NLGN1: variants seen among roughly 807,000 people sequenced by gnomAD.
The protein encoded by NLGN1 is neuroligin-1.
A neutral mutation model predicts 65.5 loss-of-function variants in NLGN1; 12 were observed. That is an observed-to-expected ratio of 0.18 (90% CI 0.12 to 0.30). NLGN1 has a LOEUF of 0.30. Ranked by LOEUF, NLGN1 falls within the 10% of genes least tolerant of loss-of-function variation. The probability of loss-of-function intolerance (pLI) is 1.00; values close to 1 mark genes in which losing one functional copy is unlikely to be tolerated. For synonymous variants in NLGN1, 350 were observed against 359.5 expected (o/e 0.97, Z 0.30); for missense variants, 750 against 1,007.1 (o/e 0.74, Z 3.46).
intron 3 of NLGN1, among the ~76,000 whole-genome samples, chr3:173,688,113 T>G (rs1764937043): frequency 6.6e-6 from 1 of 152,206 alleles, no homozygotes; most frequent in Admixed American, 6.5e-5. Flanking sequence ...GATGAGATAC[T>G]GCTGGTCATG....
intron 4 of NLGN1, among the ~76,000 whole-genome samples, chr3:173,925,983 A>T (rs1329998927): frequency 6.6e-6 from 1 of 151,986 alleles, no homozygotes; most frequent in African/African-American, 2.4e-5. Context: ...GCTGTCATTC[A>T]TTCTTATTTT....
chr3:173,857,095 C>T (rs889548342), intron 4 of NLGN1, among the ~76,000 whole-genome samples: 3 of 151,708 alleles, frequency 2.0e-5, no homozygotes, highest in Non-Finnish European at 2.9e-5. Flanking sequence ...TCAATACTCA[C>T]GCTTGAGCAC....
intron 1 of NLGN1, among the ~76,000 whole-genome samples, chr3:173,413,638 G>T (rs1713071535): frequency 6.6e-6 from 1 of 151,978 alleles, no homozygotes; most frequent in Admixed American, 6.6e-5. Flanking sequence ...AAACTTCTTA[G>T]TCTAGAAAGA....
chr3:173,593,749 A>T (rs1748953772), intron 2 of NLGN1, among the ~76,000 whole-genome samples: 1 of 152,176 alleles, frequency 6.6e-6, no homozygotes, highest in Non-Finnish European at 1.5e-5. Context: ...TGATAAAGAC[A>T]CACCCAAGAC....
chr3:174,274,516 G>A (rs1057060653), intron 4 of NLGN1, among the ~76,000 whole-genome samples: 14 of 150,820 alleles, frequency 9.3e-5, no homozygotes, highest in East Asian at 2.0e-4. Flanking sequence ...CCCTACCTCC[G>A]TTTTCTCTCC....
At chr3:173,988,054 A>G (rs1720322680) in intron 4 of NLGN1, among the ~76,000 whole-genome samples, 1 of 152,196 alleles carries the variant, frequency 6.6e-6, no homozygotes, top group Non-Finnish European at 1.5e-5. Context: ...CTATCACCCA[A>G]AATAAAAAGA....
intron 3 of NLGN1, among the ~76,000 whole-genome samples, chr3:173,761,323 G>A (rs1427090724): frequency 6.6e-6 from 1 of 151,972 alleles, no homozygotes; most frequent in Non-Finnish European, 1.5e-5. Context: ...AAAGAAAGAA[G>A]CTGTCTCCCT....
chr3:173,893,228 C>T (rs1028491990), intron 4 of NLGN1, among the ~76,000 whole-genome samples: 5 of 152,116 alleles, frequency 3.3e-5, no homozygotes, highest in Admixed American at 2.0e-4. Flanking sequence ...GTCACCCAAG[C>T]CAGAAACCTG....
At chr3:173,745,416 T>G (rs768371232) in intron 3 of NLGN1, among the ~76,000 whole-genome samples, 3 of 152,152 alleles carry the variant, frequency 2.0e-5, no homozygotes, top group Non-Finnish European at 4.4e-5. Context: ...ATTTACTAAT[T>G]TAATTAAATA....
At chr3:173,493,942 C>T (rs942485041) in intron 2 of NLGN1, among the ~76,000 whole-genome samples, 1 of 151,776 alleles carries the variant, frequency 6.6e-6, no homozygotes, top group African/African-American at 2.4e-5. Context: ...TAAACTTCCA[C>T]ATGGCTATCC....
intron 3 of NLGN1, among the ~76,000 whole-genome samples, chr3:173,767,077 T>C (rs949006718): frequency 2.6e-5 from 4 of 152,264 alleles, no homozygotes; most frequent in African/African-American, 9.6e-5. Context: ...GCTTCAGCTA[T>C]AAGTAGCTGT....
intron 4 of NLGN1, among the ~76,000 whole-genome samples, chr3:174,012,996 A>G (rs760997817): frequency 2.6e-5 from 4 of 152,182 alleles, no homozygotes; most frequent in Non-Finnish European, 5.9e-5. Flanking sequence ...ATTGATATTT[A>G]CACATGGACA....
chr3:173,918,567 AG>A lies in NLGN1; in HGVS notation c.646+110737del, dbSNP rs940401871. Among the ~76,000 whole-genome samples the A allele has an allele frequency of 3.6e-4, 50 of 138,228 alleles. 1 individual carries two copies. Among genetic ancestry groups the A allele is most frequent in the African/African-American group, 1.3e-3 (47 of 37,014 alleles). The allele number at this position is 138,228 out of a possible 152,430, so 90.7% of individuals were successfully genotyped here. On this transcript the variant is annotated intron_variant, in intron 4 of 6. Transcript: ENST00000457714. ...AGAATCACTTGAACCTGGGAGGTGGAGGTTGCAGTGAGCTGAAACCACACCA... is the reference window on the plus strand; with the variant it reads ...AGAATCACTTGAACCTGGGAGGTGGAGTTGCAGTGAGCTGAAACCACACCA...
intron 4 of NLGN1, among the ~76,000 whole-genome samples, chr3:174,178,683 T>G (rs1395113784): frequency 6.6e-6 from 1 of 152,134 alleles, no homozygotes; most frequent in Non-Finnish European, 1.5e-5. Context: ...GATGATTTAT[T>G]TCTCCTGTGT....
At chr3:173,571,489 C>G (rs1744649800) in intron 2 of NLGN1, among the ~76,000 whole-genome samples, 1 of 152,058 alleles carries the variant, frequency 6.6e-6, no homozygotes, top group Non-Finnish European at 1.5e-5. Flanking sequence ...GCTCAAGTTC[C>G]CATACCTAAA....
intron 3 of NLGN1, among the ~76,000 whole-genome samples, chr3:173,677,365 T>C (rs1050756277): frequency 1.3e-5 from 2 of 152,036 alleles, no homozygotes; most frequent in Non-Finnish European, 2.9e-5. Context: ...TTATAATATG[T>C]TAGCCTTTCT....
chr3:173,718,121 T>C (rs1458944988), intron 3 of NLGN1, among the ~76,000 whole-genome samples: 1 of 152,124 alleles, frequency 6.6e-6, no homozygotes, highest in Non-Finnish European at 1.5e-5. Flanking sequence ...ATCCATCACC[T>C]CAAACGTTTG....
At chr3:174,159,632 G>A (rs368126158) in intron 4 of NLGN1, among the ~76,000 whole-genome samples, 62 of 151,702 alleles carry the variant, frequency 4.1e-4, no homozygotes, top group African/African-American at 1.4e-3. Context: ...TCACACAGAA[G>A]AGAAAAAACT....
At chr3:173,440,384 G>T (rs1315284236) in intron 2 of NLGN1, among the ~76,000 whole-genome samples, 1 of 152,128 alleles carries the variant, frequency 6.6e-6, no homozygotes, top group Admixed American at 6.5e-5. Context: ...TGGCACCTAG[G>T]ATGGTAAATC....
Sources: allele counts gnomAD v4.1 joint callset (sites outside exome capture counted in the v4.1 genomes callset), GRCh38; gene constraint gnomAD v4.1.1; transcripts MANE v1.5; gene names NCBI Gene and HGNC (gene_info 2026-07-23, HGNC 2026-07-21).